FAT3: variants seen among roughly 807,000 people sequenced by gnomAD.
FAT3 encodes the protein FAT atypical cadherin 3.
Under a neutral mutation model 310.2 loss-of-function variants are expected in FAT3, and 95 were observed. That is an observed-to-expected ratio of 0.31 (90% confidence interval 0.26 to 0.36). The LOEUF (loss-of-function observed/expected upper bound fraction) is 0.36. Ranked by LOEUF, FAT3 falls within the 10% of genes least tolerant of loss-of-function variation. The pLI, the probability that FAT3 is intolerant of heterozygous loss-of-function variation, is 1.00. For missense variants in FAT3, 5,408 were observed against 5,715.6 expected, an observed-to-expected ratio of 0.95 and a Z score of 1.74; for synonymous variants, 2,314 against 2,192.9, an observed-to-expected ratio of 1.06 and a Z score of -1.54.
At chr11:92,413,751 C>G (rs944056515) in intron 2 of FAT3, among the ~76,000 whole-genome samples, 3 of 152,186 alleles carry the variant, frequency 2.0e-5, no homozygotes, top group African/African-American at 7.2e-5. Flanking sequence ...ATTTAAGACA[C>G]TTTTCTATAT....
intron 3 of FAT3, among the ~76,000 whole-genome samples, chr11:92,678,284 G>A (rs1479340527): frequency 3.3e-5 from 5 of 152,144 alleles, no homozygotes; most frequent in Non-Finnish European, 7.4e-5. Flanking sequence ...CCAGTCAGAG[G>A]TACTTCTCAT....
chr11:92,340,653 T>C (rs1948229010), intron 1 of FAT3, among the ~76,000 whole-genome samples: 1 of 152,178 alleles, frequency 6.6e-6, no homozygotes, highest in South Asian at 2.1e-4. Context: ...TCATTGGCCA[T>C]ACCTTACCCA....
intron 19 of FAT3, among the ~76,000 whole-genome samples, chr11:92,851,706 T>C (rs557114431): frequency 6.6e-6 from 1 of 152,246 alleles, no homozygotes; most frequent in South Asian, 2.1e-4. Flanking sequence ...TGGTACCAAA[T>C]TGATGGATGT....
intron 3 of FAT3, among the ~76,000 whole-genome samples, chr11:92,573,802 A>G (rs1321350747): frequency 2.6e-5 from 4 of 152,226 alleles, no homozygotes; most frequent in Middle Eastern, 6.8e-3. Flanking sequence ...AAACCTGCCA[A>G]CACCTTGGTT....
chr11:92,581,392 T>G (rs764590353), intron 3 of FAT3, among the ~76,000 whole-genome samples: 1 of 151,494 alleles, frequency 6.6e-6, no homozygotes, highest in Non-Finnish European at 1.5e-5. Flanking sequence ...GATCCCCCAC[T>G]GGGGTTTTGC....
chr11:92,526,832 G>GATCTAATTGTCTAAAGAAATATATAGC (rs1222161818), intron 3 of FAT3, among the ~76,000 whole-genome samples: 4 of 152,124 alleles, frequency 2.6e-5, no homozygotes, highest in African/African-American at 4.8e-5. Flanking sequence ...TTGTCCAACT[G>GATCTAATTGTCTAAAGAAATATATAGC]ATCTAATTGT....
chr11:92,354,983 G>A lies in FAT3; in HGVS notation c.2871G>A (p.Trp957Ter). The A allele has an allele frequency of 6.2e-7, 1 of 1,613,774 alleles. No homozygotes were observed. Among genetic ancestry groups the A allele is most frequent in the Non-Finnish European group, 8.5e-7 (1 of 1,179,854 alleles). The part of the protein sequence containing the change: ...EDLPVGTVIA[W>*]LETHDPDLGL... ...TCCCTGTTGGCACTGTCATTGCTTGGCTTGAGACCCATGATCCAGATCTTG... is the reference window on the plus strand; with the variant it reads ...TCCCTGTTGGCACTGTCATTGCTTGACTTGAGACCCATGATCCAGATCTTG... The change falls in exon 2 of 28, where the codon TGG (tryptophan) becomes TGA (stop). Residue 957 changes from tryptophan to a stop codon, truncating the protein, a stop_gained. Coordinates refer to ENST00000525166, the MANE Select transcript of FAT3 (RefSeq NM_001367949.2). LOFTEE classifies it high-confidence loss of function.
chr11:92,642,798 T>C (rs1942009969), intron 3 of FAT3, among the ~76,000 whole-genome samples: 1 of 152,192 alleles, frequency 6.6e-6, no homozygotes, highest in South Asian at 2.1e-4. Context: ...TCTAGATGCC[T>C]AGAGTCCTGG....
intron 4 of FAT3, among the ~76,000 whole-genome samples, chr11:92,702,054 T>G (rs558386085): frequency 1.3e-5 from 2 of 152,336 alleles, no homozygotes. Flanking sequence ...AGAGCTTAGA[T>G]GGGCTATTGA....
intron 2 of FAT3, among the ~76,000 whole-genome samples, chr11:92,372,375 G>A (rs934803657): frequency 3.3e-5 from 5 of 151,744 alleles, no homozygotes; most frequent in Non-Finnish European, 7.4e-5. Flanking sequence ...AGCAGATCTC[G>A]GTGTTGCACA....
At chr11:92,588,568 A>G (rs959976232) in intron 3 of FAT3, among the ~76,000 whole-genome samples, 3 of 152,086 alleles carry the variant, frequency 2.0e-5, no homozygotes, top group Admixed American at 6.6e-5. Flanking sequence ...CCCTACTGAC[A>G]TTAATTAACA....
chr11:92,823,247 CACAGACATTCCATGTACCAATAA>C (rs1211953426), intron 13 of FAT3, among the ~76,000 whole-genome samples: 1 of 152,168 alleles, frequency 6.6e-6, no homozygotes, highest in Non-Finnish European at 1.5e-5. Context: ...AGCTATCCAG[CACAGACATTCCATGTACCAATAA>C]ACATGGAGTT....
At position 92,293,512 on chromosome 11, in the gene FAT3, TTATATATATATATATA is replaced by T. The variant is rs1195340265; in HGVS notation, c.-17-58559_-17-58544del. Among the ~76,000 whole-genome samples, 17 of 67,886 alleles carry T rather than the reference TTATATATATATATATA, an allele frequency of 2.5e-4. No homozygotes were observed. In the South Asian group the frequency reaches 2.8e-3, roughly 11 times the overall value. 44.5% of individuals were successfully genotyped at this position (67,886 alleles called of 152,430 possible). On this transcript the variant is annotated intron_variant, in intron 1 of 27. Coordinates refer to ENST00000525166, the MANE Select transcript of FAT3 (RefSeq NM_001367949.2). ...TTTCAATTTGAAGCAGAACCTCAGATTATATATATATATATATATATATATATATATATATATATAA... is the reference window on the plus strand; with the variant it reads ...TTTCAATTTGAAGCAGAACCTCAGATTATATATATATATATATATATATAA...
At chr11:92,754,570 G>A (rs1256992516) in intron 4 of FAT3, among the ~76,000 whole-genome samples, 5 of 132,956 alleles carry the variant, frequency 3.8e-5, no homozygotes, top group Non-Finnish European at 6.1e-5. Context: ...GGAGTTTGCA[G>A]TGAGCCAAGA....
At chr11:92,427,633 G>T (rs892416845) in intron 2 of FAT3, among the ~76,000 whole-genome samples, 3 of 152,100 alleles carry the variant, frequency 2.0e-5, no homozygotes, top group African/African-American at 7.2e-5. Flanking sequence ...TAATCATGTG[G>T]TTTTTGTCTT....
At position 92,355,411 on chromosome 11, in the gene FAT3, G is replaced by C. The variant is rs773618210; in HGVS notation, c.3292+7G>C. On this transcript the variant is annotated splice_region_variant and intron_variant, in intron 2 of 27. Transcript: ENST00000525166. Reference sequence around the variant, plus strand: ...AGTATAGACGACGAGAGTGGTAAGTGTAATATTTTGTGCCAAGAGTGTTGT... The same window carrying C: ...AGTATAGACGACGAGAGTGGTAAGTCTAATATTTTGTGCCAAGAGTGTTGT... The C allele has an allele frequency of 2.5e-6, 4 of 1,596,676 alleles. No homozygotes were observed. The highest frequency in any genetic ancestry group is 2.6e-6 in the Non-Finnish European group (3 of 1,168,162).
intron 3 of FAT3, among the ~76,000 whole-genome samples, chr11:92,531,187 A>T (rs1297280519): frequency 6.6e-6 from 1 of 152,232 alleles, no homozygotes; most frequent in Non-Finnish European, 1.5e-5. Flanking sequence ...TGTCCTATAG[A>T]ACATTAAATT....
chr11:92,411,520 C>T (rs1440184380), intron 2 of FAT3, among the ~76,000 whole-genome samples: 2 of 152,208 alleles, frequency 1.3e-5, no homozygotes, highest in Non-Finnish European at 1.5e-5. Flanking sequence ...AACCTTTTCT[C>T]AGGGCAAGAC....
intron 2 of FAT3, among the ~76,000 whole-genome samples, chr11:92,503,834 A>G (rs115462887): frequency 6.6e-5 from 10 of 152,270 alleles, no homozygotes; most frequent in African/African-American, 2.4e-4. Context: ...TGGTAATACA[A>G]AGTTCTCTAT....
Sources: gnomAD v4.1 joint callset for allele counts (sites outside exome capture counted in the v4.1 genomes callset) on GRCh38, gnomAD v4.1.1 for gene constraint, MANE v1.5 for transcripts, NCBI Gene and HGNC (gene_info 2026-07-23, HGNC 2026-07-21) for gene names.